Variants in CUL1 observed in about 807,000 individuals in gnomAD.
The protein encoded by CUL1 is cullin 1.
Under a neutral mutation model 118.0 loss-of-function variants are expected in CUL1, and 24 were observed. The observed-to-expected ratio is 0.20, with a 90% CI of 0.15 to 0.29. The LOEUF (loss-of-function observed/expected upper bound fraction) is 0.29, where lower values mean the gene tolerates loss of function less well. Among genes scored for constraint, CUL1 ranks in the 10% least tolerant of loss-of-function variants. The pLI, the probability that CUL1 is intolerant of heterozygous loss-of-function variation, is 1.00. For synonymous variants in CUL1, 332 were observed against 340.4 expected (o/e 0.98, Z 0.27); for missense variants, 361 against 933.8 (o/e 0.39, Z 7.99).
chr7:148,791,320 C>T (rs939218844), intron 16 of CUL1, among the ~76,000 whole-genome samples: 2 of 152,146 alleles, frequency 1.3e-5, no homozygotes, highest in African/African-American at 4.8e-5. Context: ...TAAGAAACTC[C>T]AGAATGGGTT....
intron 8 of CUL1, 130 bp downstream of exon 8, chr7:148,766,853 T>C (rs745342821): frequency 1.0e-5 from 8 of 789,604 alleles, no homozygotes; most frequent in Non-Finnish European, 1.6e-5. Flanking sequence ...CATGTGTTTG[T>C]ACATCGTTAT....
chr7:148,756,259 A>C (rs968114090), intron 3 of CUL1, among the ~76,000 whole-genome samples: 2 of 152,242 alleles, frequency 1.3e-5, no homozygotes, highest in African/African-American at 4.8e-5. Flanking sequence ...AATTTAAAGA[A>C]GGAAGAAGAT....
intron 1 of CUL1, among the ~76,000 whole-genome samples, chr7:148,717,382 A>G (rs960034570): frequency 1.3e-5 from 2 of 152,130 alleles, no homozygotes; most frequent in Non-Finnish European, 2.9e-5. Context: ...GTGTCTGACA[A>G]TTCTGGAATC....
intron 1 of CUL1, among the ~76,000 whole-genome samples, chr7:148,727,270 C>T (rs1798617434): frequency 6.6e-6 from 1 of 152,076 alleles, no homozygotes; most frequent in Non-Finnish European, 1.5e-5. Context: ...AACAGCAAGA[C>T]ATAAATTTTA....
At chr7:148,703,859 C>T (rs1797797644) in intron 1 of CUL1, among the ~76,000 whole-genome samples, 1 of 152,024 alleles carries the variant, frequency 6.6e-6, no homozygotes, top group African/African-American at 2.4e-5. Flanking sequence ...GTAAAAATGG[C>T]TGTCATTTTA....
chr7:148,768,582 G>C (rs1312753319), intron 9 of CUL1, among the ~76,000 whole-genome samples: 1 of 151,804 alleles, frequency 6.6e-6, no homozygotes, highest in Non-Finnish European at 1.5e-5. Flanking sequence ...ACAGGGTTTC[G>C]CTGTGTTGGC....
At position 148,724,049 on chromosome 7, in the gene CUL1, A is replaced by G. The variant is rs145344145; in HGVS notation, c.-161-5913A>G. On this transcript the variant is annotated intron_variant, in intron 1 of 21. Transcript: ENST00000325222. ...GATGTTCAGTTCAGTTGATGTTGCA[A>G]TTAGTGTTTAGTGGAAGACTGTTGT... Among the ~76,000 whole-genome samples, 1,169 of 152,326 alleles carry G rather than the reference A, an allele frequency of 7.7e-3. 15 individuals are homozygous for G. The highest frequency in any genetic ancestry group is 0.026 in the African/African-American group (1,090 of 41,558).
At chr7:148,728,387 T>C (rs867478082) in intron 1 of CUL1, among the ~76,000 whole-genome samples, 5 of 152,146 alleles carry the variant, frequency 3.3e-5, no homozygotes, top group African/African-American at 1.2e-4. Context: ...TTGGGAAATT[T>C]AAGTGATTAT....
At chr7:148,726,360 T>G (rs1798582346) in intron 1 of CUL1, among the ~76,000 whole-genome samples, 1 of 152,140 alleles carries the variant, frequency 6.6e-6, no homozygotes, top group Non-Finnish European at 1.5e-5. Flanking sequence ...GTTGCACAGT[T>G]TATCTTGGTT....
intron 2 of CUL1, among the ~76,000 whole-genome samples, chr7:148,740,908 G>A (rs1229636552): frequency 1.3e-5 from 2 of 152,168 alleles, no homozygotes; most frequent in African/African-American, 4.8e-5. Context: ...AGTACCTTGA[G>A]CTCGGACCTC....
intron 2 of CUL1, among the ~76,000 whole-genome samples, chr7:148,735,514 T>G (rs990955007): frequency 2.0e-5 from 3 of 152,196 alleles, no homozygotes; most frequent in African/African-American, 7.2e-5. Flanking sequence ...AACCAAAATT[T>G]CAAAGAACAG....
chr7:148,772,663 T>G (rs1800253716), intron 9 of CUL1, among the ~76,000 whole-genome samples: 1 of 152,214 alleles, frequency 6.6e-6, no homozygotes, highest in South Asian at 2.1e-4. Flanking sequence ...TTGTCACATC[T>G]CCGTGACCTC....
At chr7:148,753,025 A>G (rs1799542275) in intron 2 of CUL1, among the ~76,000 whole-genome samples, 1 of 152,192 alleles carries the variant, frequency 6.6e-6, no homozygotes, top group Non-Finnish European at 1.5e-5. Context: ...GTTCACATAT[A>G]TATTCTTGGT....
chr7:148,777,993 G>T (rs1470251554), intron 9 of CUL1, among the ~76,000 whole-genome samples: 1 of 146,452 alleles, frequency 6.8e-6, no homozygotes, highest in Non-Finnish European at 1.5e-5. Flanking sequence ...AACCAGGGAG[G>T]CAGAGGTTGC....
chr7:148,739,028 C>CT, intron 2 of CUL1, among the ~76,000 whole-genome samples: 1 of 152,314 alleles, frequency 6.6e-6, no homozygotes, highest in Non-Finnish European at 1.5e-5. Flanking sequence ...CGGCCCTGTC[C>CT]TTTCACACAG....
chr7:148,745,036 C>T lies in CUL1; in HGVS notation c.141-8940C>T, dbSNP rs567699478. Among the ~76,000 whole-genome samples, 22 of 152,184 alleles carry T rather than the reference C, an allele frequency of 1.4e-4. No homozygotes were observed. In the South Asian group the frequency reaches 4.1e-3, roughly 29 times the overall value. ...CTGTCCGCTTTCAAGATTGTTCCCC[C>T]TTTGGTTTTCTAGAAGTTTTAATCT... On this transcript the variant is annotated intron_variant, in intron 2 of 21. Coordinates refer to ENST00000325222, the MANE Select transcript of CUL1 (RefSeq NM_003592.3).
At chr7:148,783,408 A>G (rs1398197232) in intron 9 of CUL1, 1 of 985,356 alleles carries the variant, frequency 1.0e-6, no homozygotes, top group African/African-American at 1.7e-5. Flanking sequence ...CTCGGCGGCT[A>G]AACGCCTTCT....
At chr7:148,722,510 G>T (rs1798428979) in intron 1 of CUL1, among the ~76,000 whole-genome samples, 1 of 152,142 alleles carries the variant, frequency 6.6e-6, no homozygotes, top group South Asian at 2.1e-4. Flanking sequence ...CCGCCATCCT[G>T]CAGGCCTCCA....
At chr7:148,755,500 A>G (rs1378932730) in intron 3 of CUL1, among the ~76,000 whole-genome samples, 3 of 152,250 alleles carry the variant, frequency 2.0e-5, no homozygotes, top group South Asian at 2.1e-4. Context: ...TTGGCTGGCC[A>G]TAAGTTGTGA....
Sources: allele counts gnomAD v4.1 joint callset (sites outside exome capture counted in the v4.1 genomes callset), GRCh38; gene constraint gnomAD v4.1.1; transcripts MANE v1.5; gene names NCBI Gene and HGNC (gene_info 2026-07-23, HGNC 2026-07-21).